GPBP1: variants seen among roughly 807,000 people sequenced by gnomAD.
GPBP1 encodes the protein GC-rich promoter binding protein 1.
In GPBP1, 13 loss-of-function variants were observed where a neutral mutation model predicts 56.5. That is an observed-to-expected ratio of 0.23 (90% CI 0.15 to 0.37). GPBP1 has a LOEUF of 0.37. Among genes scored for constraint, GPBP1 ranks in the 10% least tolerant of loss-of-function variants. GPBP1 has a pLI of 1.00. For synonymous variants in GPBP1, 204 were observed against 188.9 expected (o/e 1.08, Z -0.66); for missense variants, 477 against 572.3 (o/e 0.83, Z 1.70).
At chr5:57,230,416 A>T (rs936551061) in intron 3 of GPBP1, among the ~76,000 whole-genome samples, 1 of 152,004 alleles carries the variant, frequency 6.6e-6, no homozygotes, top group Admixed American at 6.6e-5. Context: ...TGGTTTGGGG[A>T]AGAGGAATAT....
In GPBP1 at chr5:57,262,792, T is replaced by TAAGTGTA; in HGVS notation, c.*40_*41insAAGTGTA. On this transcript the variant is annotated 3_prime_UTR_variant, in exon 12 of 12. Transcript: ENST00000506184. Reference sequence around the variant, plus strand: ...GCTTTAGAAATCTTAGTGTGATACATCTCTCATACAGTTTGGGGTGAATTG... The same window carrying TAAGTGTA: ...GCTTTAGAAATCTTAGTGTGATACATAAGTGTACTCTCATACAGTTTGGGGTGAATTG... 6.4e-7 allele frequency: 1 copy of TAAGTGTA among 1,559,538 alleles called. No homozygotes were observed. Among genetic ancestry groups the TAAGTGTA allele is most frequent in the Non-Finnish European group, 8.8e-7 (1 of 1,132,862 alleles).
chr5:57,189,801 C>T (rs1473584833), intron 2 of GPBP1, among the ~76,000 whole-genome samples: 1 of 152,178 alleles, frequency 6.6e-6, no homozygotes, highest in Non-Finnish European at 1.5e-5. Flanking sequence ...TGCTTACTGT[C>T]TTACTGGCCC....
intron 2 of GPBP1, among the ~76,000 whole-genome samples, chr5:57,184,567 A>G (rs966352107): frequency 6.6e-6 from 1 of 152,170 alleles, no homozygotes; most frequent in African/African-American, 2.4e-5. Flanking sequence ...GGTTGGTGCT[A>G]AGCCCTTCAG....
chr5:57,186,055 G>T (rs908990723), intron 2 of GPBP1, among the ~76,000 whole-genome samples: 1 of 152,086 alleles, frequency 6.6e-6, no homozygotes, highest in Admixed American at 6.6e-5. Flanking sequence ...TCAGACTGTG[G>T]TTTGTTTTCA....
intron 10 of GPBP1, among the ~76,000 whole-genome samples, chr5:57,260,332 A>T (rs752641115): frequency 1.3e-5 from 2 of 152,136 alleles, no homozygotes; most frequent in African/African-American, 2.4e-5. Context: ...TCTTAAAATG[A>T]GTTATCTATT....
intron 6 of GPBP1, among the ~76,000 whole-genome samples, chr5:57,236,651 A>C (rs1228866796): frequency 6.6e-6 from 1 of 152,000 alleles, no homozygotes; most frequent in African/African-American, 2.4e-5. Flanking sequence ...AGCATTTTAC[A>C]GAAGATTAAA....
chr5:57,259,622 A>G (rs939334769), intron 10 of GPBP1, among the ~76,000 whole-genome samples: 1 of 152,130 alleles, frequency 6.6e-6, no homozygotes, highest in African/African-American at 2.4e-5. Context: ...CCCCTCTAAA[A>G]TTTAAGATTA....
intron 6 of GPBP1, among the ~76,000 whole-genome samples, chr5:57,241,823 G>A (rs1288981330): frequency 6.6e-6 from 1 of 152,108 alleles, no homozygotes; most frequent in Non-Finnish European, 1.5e-5. Flanking sequence ...AACATTTGGG[G>A]TCTTCTTCAT....
intron 2 of GPBP1, among the ~76,000 whole-genome samples, chr5:57,183,857 G>A (rs926245978): frequency 5.4e-5 from 8 of 147,764 alleles, no homozygotes; most frequent in Non-Finnish European, 1.0e-4. Flanking sequence ...CTGCAGCCTC[G>A]ACCTCCCAGA....
chr5:57,192,439 C>T (rs1754566511), intron 2 of GPBP1, among the ~76,000 whole-genome samples: 1 of 152,028 alleles, frequency 6.6e-6, no homozygotes, highest in Non-Finnish European at 1.5e-5. Flanking sequence ...TAGTGTAAGA[C>T]AGTGCCTGAG....
At chr5:57,254,895 T>A (rs1741580030) in intron 10 of GPBP1, among the ~76,000 whole-genome samples, 1 of 152,204 alleles carries the variant, frequency 6.6e-6, no homozygotes, top group Admixed American at 6.5e-5. Flanking sequence ...ATAACCACAC[T>A]ATTTTTATTG....
rs144955169 is a variant in GPBP1 at position 57,218,553 on chromosome 5, G to A, written c.63+4360G>A. Among the ~76,000 whole-genome samples, 477 of 152,218 alleles carry A rather than the reference G, an allele frequency of 3.1e-3. 4 individuals carry two copies. Among genetic ancestry groups the A allele is most frequent in the African/African-American group, 0.011 (456 of 41,538 alleles). ...TCATGTGTTCAGCAATTGGTCTATG[G>A]GTGGTGGGGCTGAAAGTTCATACCC... On this transcript the variant is annotated intron_variant, in intron 3 of 11. Coordinates refer to ENST00000506184, the MANE Select transcript of GPBP1 (RefSeq NM_022913.4).
chr5:57,248,018 A>G (rs991103298), intron 8 of GPBP1, among the ~76,000 whole-genome samples: 5 of 152,208 alleles, frequency 3.3e-5, no homozygotes, highest in Non-Finnish European at 5.9e-5. Flanking sequence ...CTGGGATTAC[A>G]GGCATGATCC....
intron 2 of GPBP1, among the ~76,000 whole-genome samples, chr5:57,201,150 A>G (rs1755003271): frequency 6.6e-6 from 1 of 151,972 alleles, no homozygotes; most frequent in Non-Finnish European, 1.5e-5. Flanking sequence ...AAAAAGTTAA[A>G]TTCTGTATCG....
chr5:57,208,470 T>C (rs1389863476), intron 2 of GPBP1, among the ~76,000 whole-genome samples: 1 of 152,010 alleles, frequency 6.6e-6, no homozygotes, highest in Admixed American at 6.6e-5. Context: ...TGAGCTCAAG[T>C]GATCTGCTCA....
At chr5:57,236,060 G>A in intron 6 of GPBP1, 28 bp downstream of exon 6, 5 of 1,416,628 alleles carry the variant, frequency 3.5e-6, no homozygotes, top group Non-Finnish European at 5.0e-6. Context: ...TATATTTGAG[G>A]GGCACAAAAT....
chr5:57,217,051 A>G (rs916123069), intron 3 of GPBP1, among the ~76,000 whole-genome samples: 16 of 152,202 alleles, frequency 1.1e-4, no homozygotes, highest in Non-Finnish European at 2.2e-4. Context: ...CAAATTATTA[A>G]AATTGTCTAT....
intron 2 of GPBP1, among the ~76,000 whole-genome samples, chr5:57,203,362 G>A (rs1402969648): frequency 2.0e-5 from 3 of 151,990 alleles, no homozygotes; most frequent in African/African-American, 7.3e-5. Context: ...AGGGTATGGC[G>A]CTGTGGCTCA....
intron 5 of GPBP1, among the ~76,000 whole-genome samples, chr5:57,232,423 T>G (rs968011036): frequency 2.6e-5 from 4 of 152,358 alleles, no homozygotes; most frequent in Non-Finnish European, 1.5e-5. Context: ...GTACTTTATG[T>G]TCTTAGCTCC....
Sources: gnomAD v4.1 joint callset for allele counts (sites outside exome capture counted in the v4.1 genomes callset) on GRCh38, gnomAD v4.1.1 for gene constraint, MANE v1.5 for transcripts, NCBI Gene and HGNC (gene_info 2026-07-23, HGNC 2026-07-21) for gene names.